PDS5A: variants seen among roughly 807,000 people sequenced by gnomAD.
PDS5A encodes the protein sister chromatid cohesion protein PDS5 homolog A.
PDS5A carries 42 observed loss-of-function variants against 167.1 expected under a neutral mutation model. That is an observed-to-expected ratio of 0.25 (90% CI 0.20 to 0.33). The LOEUF is 0.33. Among genes scored for constraint, PDS5A ranks in the 10% least tolerant of loss-of-function variants. The pLI is 1.00. For missense variants in PDS5A, 1,033 were observed against 1,605.9 expected, an observed-to-expected ratio of 0.64 and a Z score of 6.10; for synonymous variants, 553 against 554.6, an observed-to-expected ratio of 1.00 and a Z score of 0.04.
intron 17 of PDS5A, among the ~76,000 whole-genome samples, chr4:39,881,320 T>C (rs1009161010): frequency 3.9e-5 from 6 of 152,082 alleles, no homozygotes; most frequent in African/African-American, 1.4e-4. Flanking sequence ...AGTAGTGGGA[T>C]TGCTGGATCA....
chr4:39,972,813 C>T (rs186732154), intron 2 of PDS5A, among the ~76,000 whole-genome samples: 23 of 152,074 alleles, frequency 1.5e-4, no homozygotes, highest in Admixed American at 1.4e-3. Flanking sequence ...GTAAAGATTA[C>T]AAGGAATGCT....
chr4:39,938,566 T>G (rs1381585849), intron 2 of PDS5A, among the ~76,000 whole-genome samples: 1 of 151,370 alleles, frequency 6.6e-6, no homozygotes, highest in Non-Finnish European at 1.5e-5. Context: ...AAAATACATA[T>G]ATATATATGT....
intron 2 of PDS5A, among the ~76,000 whole-genome samples, chr4:39,960,550 A>G (rs1195057556): frequency 6.8e-6 from 1 of 146,576 alleles, no homozygotes; most frequent in Non-Finnish European, 1.5e-5. Context: ...TATCTTGAAC[A>G]TTTTTTTTTT....
intron 2 of PDS5A, among the ~76,000 whole-genome samples, chr4:39,937,051 CACCA>C (rs1470981880): frequency 6.6e-6 from 1 of 152,168 alleles, no homozygotes; most frequent in African/African-American, 2.4e-5. Flanking sequence ...TCACTGTGTT[CACCA>C]ACCACTAACC....
At chr4:39,950,820 T>C (rs1728281202) in intron 2 of PDS5A, among the ~76,000 whole-genome samples, 1 of 152,074 alleles carries the variant, frequency 6.6e-6, no homozygotes, top group African/African-American at 2.4e-5. Flanking sequence ...ACCCCTAACC[T>C]CAGGTAATCC....
chr4:39,888,268 G>A (rs1349594954), intron 17 of PDS5A, among the ~76,000 whole-genome samples: 1 of 147,362 alleles, frequency 6.8e-6, no homozygotes, highest in African/African-American at 2.5e-5. Flanking sequence ...AAAAAAAAGG[G>A]CTTTTTATCA....
chr4:39,858,953 C>T (rs1163016471), intron 26 of PDS5A, among the ~76,000 whole-genome samples: 1 of 151,876 alleles, frequency 6.6e-6, no homozygotes, highest in South Asian at 2.1e-4. Flanking sequence ...GTATAGGCAA[C>T]AAAAGAAAAA....
intron 26 of PDS5A, among the ~76,000 whole-genome samples, chr4:39,859,227 A>G (rs1718781193): frequency 6.6e-6 from 1 of 152,202 alleles, no homozygotes; most frequent in Non-Finnish European, 1.5e-5. Flanking sequence ...TTTCTGACAC[A>G]ATAACTTACT....
At position 39,933,894 on chromosome 4, in the gene PDS5A, T is replaced by G. The variant is rs527572579; in HGVS notation, c.139-5730A>C. On this transcript the variant is annotated intron_variant, in intron 2 of 32. Coordinates refer to ENST00000303538, the MANE Select transcript of PDS5A (RefSeq NM_001100399.2). ...CCCATCAGAGGCACTTATTCAAGAT[T>G]TGGAAGGTGAAAGTTCAGAAGAGGT... 2.0e-5 allele frequency among the ~76,000 whole-genome samples: 3 copies of G among 152,274 alleles called. No individual in the cohort carries two copies. The South Asian group carries it at 6.2e-4, about 32-fold the overall frequency.
chr4:39,891,338 A>G (rs1321580653), intron 16 of PDS5A, among the ~76,000 whole-genome samples: 2 of 151,396 alleles, frequency 1.3e-5, no homozygotes, highest in African/African-American at 4.8e-5. Context: ...CTGGCCAGTT[A>G]ATTTGTTTCT....
chr4:39,838,217 G>A lies in PDS5A; in HGVS notation c.3658-9C>T. 6.7e-7 allele frequency: 1 copy of A among 1,499,184 alleles called. No individual in the cohort carries two copies. Among genetic ancestry groups the A allele is most frequent in the South Asian group, 1.3e-5 (1 of 76,754 alleles). 92.9% of individuals were successfully genotyped at this position (1,499,184 alleles called of 1,614,324 possible). ...TGATCAGAATTAATTTCCTAAAAAA[G>A]CACAAAACAATTCTATAAACACAAA... On this transcript the variant is annotated splice_polypyrimidine_tract_variant and intron_variant, in intron 31 of 32. Transcript: ENST00000303538.
At chr4:39,953,875 C>T (rs1728647700) in intron 2 of PDS5A, among the ~76,000 whole-genome samples, 1 of 152,144 alleles carries the variant, frequency 6.6e-6, no homozygotes, top group Admixed American at 6.6e-5. Flanking sequence ...TGAACTGACA[C>T]CACACTCTCA....
rs1260385535 is a variant in PDS5A at position 39,862,931 on chromosome 4, T to A, written c.2909A>T (p.Gln970Leu). The A allele has an allele frequency of 6.2e-7, 1 of 1,613,226 alleles. No homozygotes were observed. The highest frequency in any genetic ancestry group is 8.5e-7 in the Non-Finnish European group (1 of 1,179,804). The change falls in exon 25 of 33, where the codon CAA (glutamine) becomes CTA (leucine). Residue 970 changes from glutamine to leucine, a missense_variant. Around this residue, in one of 4 missense-constraint regions of PDS5A, gnomAD observed 367 missense variants for 686.7 expected, o/e 0.53. Transcript: ENST00000303538. ...TATACTGATATTTTTCAGTAAACAT[T>A]GTCGTGCGTGTGCTCTTCTCTCCTT... ...PVKERRAHAR[Q>L]CLLKNISIRR...
intron 5 of PDS5A, among the ~76,000 whole-genome samples, chr4:39,925,190 A>C (rs923182015): frequency 6.6e-5 from 10 of 152,234 alleles, no homozygotes; most frequent in South Asian, 2.1e-4. Flanking sequence ...CCAAACCAAA[A>C]CAAAACAAAA....
chr4:39,876,353 A>G (rs962309281), intron 19 of PDS5A, among the ~76,000 whole-genome samples: 2 of 152,226 alleles, frequency 1.3e-5, no homozygotes, highest in Admixed American at 6.5e-5. Flanking sequence ...TTCACAAGTT[A>G]AACTATTAGC....
chr4:39,908,219 T>C (rs560516519), intron 11 of PDS5A, among the ~76,000 whole-genome samples, 176 bp downstream of exon 11: 35 of 152,344 alleles, frequency 2.3e-4, no homozygotes, highest in African/African-American at 7.5e-4. Flanking sequence ...CCATTGTATT[T>C]ATTCATAAGG....
Position 39,824,279 on chromosome 4 carries a change from C to T in PDS5A, c.*1206G>A, listed in dbSNP as rs1172911246. 2 of 152,062 alleles carry T rather than the reference C, an allele frequency of 1.3e-5. No individual in the cohort carries two copies. The highest frequency in any genetic ancestry group is 2.4e-5 in the African/African-American group (1 of 41,382). 9.4% of individuals were successfully genotyped at this position (152,062 alleles called of 1,614,324 possible). A position where few individuals can be genotyped will look rare whatever the true frequency, so the allele number is the denominator to read the frequency against. ...TAGCTCTTTAACATGAAAAAATTCA[C>T]AAGAAAGCATATGATAAAAAGATTA... On this transcript the variant is annotated 3_prime_UTR_variant, in exon 33 of 33. Transcript: ENST00000303538.
chr4:39,948,575 G>A (rs1240371067), intron 2 of PDS5A, among the ~76,000 whole-genome samples: 1 of 146,710 alleles, frequency 6.8e-6, no homozygotes, highest in Non-Finnish European at 1.5e-5. Context: ...CACCTGCCTC[G>A]GCCTCCCAAA....
intron 2 of PDS5A, among the ~76,000 whole-genome samples, chr4:39,956,661 AAGAC>A (rs1045537213): frequency 1.3e-5 from 2 of 151,764 alleles, no homozygotes; most frequent in African/African-American, 4.8e-5. Flanking sequence ...TTCAAGAAGA[AAGAC>A]AGATTTTCTT....
Sources: gnomAD v4.1 joint callset for allele counts (sites outside exome capture counted in the v4.1 genomes callset) on GRCh38, gnomAD v4.1.1 for gene constraint, gnomAD v4.1.1 regional missense constraint, MANE v1.5 for transcripts, NCBI Gene and HGNC (gene_info 2026-07-23, HGNC 2026-07-21) for gene names.